Variants in GTF2I observed in about 807,000 individuals in gnomAD.
GTF2I encodes the protein general transcription factor IIi.
In GTF2I, 12 loss-of-function variants were observed where a neutral mutation model predicts 67.6. The observed-to-expected ratio is 0.18, with a 90% CI of 0.11 to 0.29. The LOEUF (loss-of-function observed/expected upper bound fraction) is 0.29, where lower values mean the gene tolerates loss of function less well. Among genes scored for constraint, GTF2I ranks in the 10% least tolerant of loss-of-function variants. The pLI, the probability that GTF2I is intolerant of heterozygous loss-of-function variation, is 1.00. For missense variants in GTF2I, 271 were observed against 580.1 expected (o/e 0.47, Z 5.47); for synonymous variants, 149 against 197.0 (o/e 0.76, Z 2.04).
intron 6 of GTF2I, among the ~76,000 whole-genome samples, chr7:74,704,755 G>A (rs1235546356): frequency 6.6e-6 from 1 of 151,190 alleles, no homozygotes. Context: ...TCAGGAGGCT[G>A]AGGTAGGAGG....
rs1242896630 is a variant in GTF2I, at chr7:74,658,505, C to T, written c.-6+437C>T. Among the ~76,000 whole-genome samples, 13 of 148,910 alleles carry T rather than the reference C, an allele frequency of 8.7e-5. No individual in the cohort carries two copies. In the South Asian group the frequency reaches 2.3e-3, roughly 26 times the overall value. On this transcript the variant is annotated intron_variant, in intron 1 of 34. Coordinates refer to ENST00000573035, the MANE Select transcript of GTF2I (RefSeq NM_032999.4). The stretch of plus-strand genomic sequence containing the variant: ...CCGCCGCGCTGATTGGCCGGCTAGG[C>T]GGTGCGGGGGCGCGCGCGGTGCCAG...
At chr7:74,726,973 A>C (rs1222908287) in intron 12 of GTF2I, 1 of 152,196 alleles carries the variant, frequency 6.6e-6, no homozygotes, top group Non-Finnish European at 1.5e-5. Flanking sequence ...ATAGATAGAT[A>C]GTTTTCTATC....
rs587732139 is a variant in GTF2I, at chr7:74,735,386, A to G, written c.1364-75A>G. 6.4e-3 allele frequency: 723 copies of G among 113,454 alleles called. 14 individuals are homozygous for G. The highest frequency in any genetic ancestry group is 8.3e-3 in the Non-Finnish European group (524 of 63,264). 7.0% of individuals were successfully genotyped at this position (113,454 alleles called of 1,614,324 possible). A position where few individuals can be genotyped will look rare whatever the true frequency, so the allele number is the denominator to read the frequency against. ...AAGGAAAAGTTATACCTCTTATTTT[A>G]TAGTAATAATGTTTAATAATCAAGT... On this transcript the variant is annotated intron_variant, in intron 16 of 34. Transcript: ENST00000573035.
At chr7:74,728,379 T>G (rs1189777023) in intron 12 of GTF2I, among the ~76,000 whole-genome samples, 3 of 151,402 alleles carry the variant, frequency 2.0e-5, no homozygotes, top group East Asian at 3.9e-4. Context: ...AAATTTTGTA[T>G]AAGCTTAAAT....
intron 1 of GTF2I, among the ~76,000 whole-genome samples, chr7:74,673,522 C>A (rs1333354947): frequency 6.6e-6 from 1 of 151,848 alleles, no homozygotes; most frequent in Non-Finnish European, 1.5e-5. Flanking sequence ...GCTGGAATTA[C>A]AGGCATGCGC....
At chr7:74,714,397 C>A (rs1554403174) in intron 9 of GTF2I, among the ~76,000 whole-genome samples, 1 of 152,014 alleles carries the variant, frequency 6.6e-6, no homozygotes, top group African/African-American at 2.4e-5. Context: ...TTTAGAGATT[C>A]TAAGGAAGGT....
chr7:74,700,684 A>G (rs1380510145), intron 6 of GTF2I, 50 bp downstream of exon 6: 1 of 1,506,104 alleles, frequency 6.6e-7, no homozygotes, highest in Non-Finnish European at 9.2e-7. Context: ...CCGTTTTGCT[A>G]GATTTTCATA....
At chr7:74,719,019 T>C in intron 12 of GTF2I, 78 bp downstream of exon 12, 2 of 732,114 alleles carry the variant, frequency 2.7e-6, no homozygotes, top group East Asian at 2.9e-5. Flanking sequence ...TTGCTAAATA[T>C]GCATTTCATT....
intron 12 of GTF2I, among the ~76,000 whole-genome samples, chr7:74,725,348 GA>G (rs1343775407): frequency 6.6e-6 from 1 of 152,102 alleles, no homozygotes; most frequent in Non-Finnish European, 1.5e-5. Flanking sequence ...ATAAGTTTAT[GA>G]AACAGGGTTT....
intron 1 of GTF2I, among the ~76,000 whole-genome samples, chr7:74,663,554 G>A (rs782120583): frequency 6.6e-6 from 1 of 152,138 alleles, no homozygotes; most frequent in Non-Finnish European, 1.5e-5. Context: ...GCCTCCCCAA[G>A]TGCTGAGATT....
At chr7:74,710,054 G>A (rs1791332152) in intron 8 of GTF2I, among the ~76,000 whole-genome samples, 1 of 152,228 alleles carries the variant, frequency 6.6e-6, no homozygotes, top group African/African-American at 2.4e-5. Flanking sequence ...GGTCTCAGAT[G>A]CAGTGTTCTC....
chr7:74,750,908 TG>T (rs1795789552), intron 26 of GTF2I, among the ~76,000 whole-genome samples: 2 of 188 alleles, frequency 0.011, no homozygotes, highest in African/African-American at 0.042. Context: ...GCCCGGCCAA[TG>T]GCCACCTTTT....
At chr7:74,661,311 C>G (rs1031578786) in intron 1 of GTF2I, among the ~76,000 whole-genome samples, 2 of 152,124 alleles carry the variant, frequency 1.3e-5, no homozygotes, top group Non-Finnish European at 2.9e-5. Flanking sequence ...CCGGACAGCC[C>G]TTTGAGAACC....
At chr7:74,708,089 C>T (rs587633852) in intron 8 of GTF2I, among the ~76,000 whole-genome samples, 1 of 152,190 alleles carries the variant, frequency 6.6e-6, no homozygotes, top group South Asian at 2.1e-4. Flanking sequence ...CACCTGAGGT[C>T]AGGAGTTGGA....
At chr7:74,692,069 T>C (rs1246531138) in intron 3 of GTF2I, among the ~76,000 whole-genome samples, 1 of 144,690 alleles carries the variant, frequency 6.9e-6, no homozygotes, top group African/African-American at 2.6e-5. Context: ...GAGCCACCAC[T>C]CTCGGCTTTT....
intron 1 of GTF2I, among the ~76,000 whole-genome samples, chr7:74,685,151 A>G (rs587765574): frequency 6.6e-6 from 1 of 152,348 alleles, no homozygotes; most frequent in African/African-American, 2.4e-5. Flanking sequence ...CTATGCAAGC[A>G]TCTGTGGAAA....
chr7:74,709,239 T>G (rs1791189792), intron 8 of GTF2I, among the ~76,000 whole-genome samples: 1 of 152,136 alleles, frequency 6.6e-6, no homozygotes, highest in Non-Finnish European at 1.5e-5. Flanking sequence ...TGGATTTACC[T>G]TTTTATTTTT....
chr7:74,709,834 G>A (rs782813277), intron 8 of GTF2I, among the ~76,000 whole-genome samples: 51 of 150,882 alleles, frequency 3.4e-4, no homozygotes, highest in Middle Eastern at 3.6e-3. Flanking sequence ...CACCACTCCC[G>A]GCTAATTTTT....
intron 1 of GTF2I, among the ~76,000 whole-genome samples, chr7:74,671,961 G>A (rs1229467111): frequency 1.3e-5 from 2 of 151,860 alleles, no homozygotes; most frequent in African/African-American, 4.8e-5. Context: ...TCCAGCCTGG[G>A]TGACAGAGCA....
Sources: gnomAD v4.1 joint callset for allele counts (sites outside exome capture counted in the v4.1 genomes callset) on GRCh38, gnomAD v4.1.1 for gene constraint, MANE v1.5 for transcripts, NCBI Gene and HGNC (gene_info 2026-07-23, HGNC 2026-07-21) for gene names.